PBRM1: variants seen among roughly 807,000 people sequenced by gnomAD.
PBRM1 encodes the protein protein polybromo-1.
Under a neutral mutation model 194.5 loss-of-function variants are expected in PBRM1, and 27 were observed. The ratio of observed to expected loss-of-function variants is 0.14; its 90% CI spans 0.10 to 0.19. The LOEUF (loss-of-function observed/expected upper bound fraction) is 0.19, where lower values mean the gene tolerates loss of function less well. PBRM1 is among the 10% of genes least tolerant of loss of function. PBRM1 has a pLI of 1.00. For missense variants in PBRM1, 1,466 were observed against 2,077.2 expected, an observed-to-expected ratio of 0.71 and a Z score of 5.72; for synonymous variants, 655 against 693.2, an observed-to-expected ratio of 0.94 and a Z score of 0.87.
chr3:52,548,321 A>C, intron 29 of PBRM1, 86 bp from the exon 32 acceptor site: 1 of 799,882 alleles, frequency 1.3e-6, no homozygotes, highest in Non-Finnish European at 1.9e-6. Context: ...GAACTTATTA[A>C]AACACAAAAC....
At chr3:52,638,329 G>C (rs2095907926) in intron 10 of PBRM1, among the ~76,000 whole-genome samples, 1 of 150,356 alleles carries the variant, frequency 6.7e-6, no homozygotes, top group African/African-American at 2.4e-5. Context: ...GTTTGGCCTG[G>C]TATTTTCTAA....
intron 2 of PBRM1, among the ~76,000 whole-genome samples, chr3:52,670,397 GAATA>G (rs1264516595): frequency 2.6e-5 from 4 of 152,056 alleles, no homozygotes. Context: ...TTATAATCCA[GAATA>G]AATAGCACCA....
chr3:52,672,491 C>CTTTTTTTTTTTTTTTTTTTTTTTTTT (rs34792299), intron 2 of PBRM1, among the ~76,000 whole-genome samples: 1 of 103,860 alleles, frequency 9.6e-6, no homozygotes. Flanking sequence ...TTTTTTTTGG[C>CTTTTTTTTTTTTTTTTTTTTTTTTTT]TTTTTTTTTT....
chr3:52,668,936 C>T (rs534796646), intron 2 of PBRM1, among the ~76,000 whole-genome samples: 1 of 152,216 alleles, frequency 6.6e-6, no homozygotes, highest in African/African-American at 2.4e-5. Flanking sequence ...ATGTTTAGGG[C>T]ACCAACGCTA....
At chr3:52,674,505 A>G (rs2154026716) in intron 2 of PBRM1, among the ~76,000 whole-genome samples, 1 of 145,192 alleles carries the variant, frequency 6.9e-6, no homozygotes, top group South Asian at 2.2e-4. Flanking sequence ...AAAGAGAGAG[A>G]GAGGCTGGGT....
At chr3:52,620,898 A>C (rs908104163) in intron 13 of PBRM1, among the ~76,000 whole-genome samples, 1 of 152,128 alleles carries the variant, frequency 6.6e-6, no homozygotes, top group African/African-American at 2.4e-5. Flanking sequence ...ATCCAGTTTC[A>C]TCTTTCATTT....
chr3:52,618,139 T>A (rs994257779), intron 13 of PBRM1, among the ~76,000 whole-genome samples: 1 of 152,240 alleles, frequency 6.6e-6, no homozygotes, highest in Non-Finnish European at 1.5e-5. Flanking sequence ...ATCAGCATTA[T>A]TCCACAGTTC....
intron 17 of PBRM1, among the ~76,000 whole-genome samples, chr3:52,600,589 T>C (rs34173654): frequency 0.34 from 51,392 of 152,092 alleles, 9,683 homozygotes; most frequent in Admixed American, 0.46. Flanking sequence ...TTCTTTGTAA[T>C]GTTTCTAAGA....
intron 6 of PBRM1, among the ~76,000 whole-genome samples, chr3:52,650,705 C>T (rs1261690769): frequency 6.6e-6 from 1 of 152,178 alleles, no homozygotes; most frequent in African/African-American, 2.4e-5. Flanking sequence ...TTATCACCAA[C>T]CTCTATGACT....
intron 4 of PBRM1, among the ~76,000 whole-genome samples, chr3:52,661,485 A>G (rs1165614424): frequency 6.6e-6 from 1 of 152,242 alleles, no homozygotes; most frequent in African/African-American, 2.4e-5. Context: ...TATTTCACAT[A>G]TAGTGACATT....
intron 26 of PBRM1, 135 bp from the exon 29 acceptor site, chr3:52,555,014 A>C (rs934443348): frequency 1.1e-5 from 7 of 650,592 alleles, no homozygotes; most frequent in African/African-American, 1.9e-5. Context: ...CAATTAGTGC[A>C]ATTATTTTGC....
upstream of PBRM1, among the ~76,000 whole-genome samples, chr3:52,680,289 T>G (rs780462215): frequency 6.6e-6 from 1 of 152,158 alleles, no homozygotes; most frequent in Non-Finnish European, 1.5e-5. Context: ...GCACTTTAGA[T>G]GTACTCTAAA....
At chr3:52,676,497 C>T (rs2097108006) in intron 2 of PBRM1, among the ~76,000 whole-genome samples, 1 of 152,140 alleles carries the variant, frequency 6.6e-6, no homozygotes, top group South Asian at 2.1e-4. Context: ...CCTTTCACCT[C>T]CCACCATGAT....
chr3:52,648,511 A>T, intron 6 of PBRM1, 69 bp from the exon 8 acceptor site: 3 of 767,172 alleles, frequency 3.9e-6, no homozygotes. Context: ...TTAAAAAAAG[A>T]ACCCCACATA....
intron 17 of PBRM1, among the ~76,000 whole-genome samples, chr3:52,599,018 C>CAAAAAAAAAAAAAA (rs59170143): frequency 8.7e-6 from 1 of 114,384 alleles, no homozygotes; most frequent in Non-Finnish European, 1.8e-5. Context: ...CCAGATATCT[C>CAAAAAAAAAAAAAA]AAAAAAAAAA....
chr3:52,599,129 G>A (rs746202403), intron 17 of PBRM1, among the ~76,000 whole-genome samples: 30 of 152,072 alleles, frequency 2.0e-4, no homozygotes, highest in Admixed American at 2.6e-4. Flanking sequence ...GGTTGAGGGT[G>A]TAGTGAGCCA....
At chr3:52,611,900 A>G (rs2094633409) in intron 15 of PBRM1, among the ~76,000 whole-genome samples, 1 of 152,122 alleles carries the variant, frequency 6.6e-6, no homozygotes, top group Non-Finnish European at 1.5e-5. Context: ...GCACAAATCT[A>G]ATTTCTTCAA....
rs372853458 is a variant in PBRM1, at chr3:52,627,262, A to C, written c.1541+11T>G. On this transcript the variant is annotated intron_variant, in intron 13 of 29. Coordinates refer to ENST00000296302, the Ensembl canonical transcript of PBRM1. Reference sequence around the variant, plus strand: ...AACTGAGATGTCCCCAGCTATAAGAAGAGTATATACCTTTTTCTTTTGGCA... The same window carrying C: ...AACTGAGATGTCCCCAGCTATAAGACGAGTATATACCTTTTTCTTTTGGCA... 4 of 1,469,852 alleles carry C rather than the reference A, an allele frequency of 2.7e-6. No homozygotes were observed. Among genetic ancestry groups the C allele is most frequent in the Non-Finnish European group, 3.8e-6 (4 of 1,050,940 alleles). The allele number at this position is 1,469,852 out of a possible 1,614,324, so 91.1% of individuals were successfully genotyped here. A position where few individuals can be genotyped will look rare whatever the true frequency, so the allele number is the denominator to read the frequency against.
At chr3:52,555,290 T>G (rs1238359254) in intron 26 of PBRM1, among the ~76,000 whole-genome samples, 1 of 152,208 alleles carries the variant, frequency 6.6e-6, no homozygotes, top group East Asian at 1.9e-4. Flanking sequence ...CACACTCATA[T>G]GCCTATCATG....
Sources: gnomAD v4.1 joint callset for allele counts (sites outside exome capture counted in the v4.1 genomes callset) on GRCh38, gnomAD v4.1.1 for gene constraint, MANE v1.5 for transcripts, NCBI Gene and HGNC (gene_info 2026-07-23, HGNC 2026-07-21) for gene names.